Variants in MN1 observed in about 807,000 individuals in gnomAD.
MN1 encodes the protein transcriptional activator MN1.
Under a neutral mutation model 86.9 loss-of-function variants are expected in MN1, and 19 were observed. That is an observed-to-expected ratio of 0.22 (90% CI 0.15 to 0.32). The LOEUF is 0.32. MN1 is among the 10% of genes least tolerant of loss of function. The pLI is 1.00. For synonymous variants in MN1, 928 were observed against 849.6 expected, an observed-to-expected ratio of 1.09 and a Z score of -1.60; for missense variants, 1,841 against 1,862.0, an observed-to-expected ratio of 0.99 and a Z score of 0.21.
chr22:27,751,150 C>T, intron 1 of MN1, 54 bp from the exon 2 acceptor site: 1 of 1,475,574 alleles, frequency 6.8e-7, no homozygotes, highest in Non-Finnish European at 9.1e-7. Context: ...CTCTGAGGGA[C>T]ACCATAATGG....
Position 27,800,767 on chromosome 22 carries a change from T to G in MN1, c.-224A>C. On this transcript the variant is annotated 5_prime_UTR_variant, in exon 1 of 2. Transcript: ENST00000302326. ...CTGCCCGGGGAGGGCCTCTCACATC[T>G]TGCGAGGCCGCGGGGCCTCTAGGAG... 1.7e-6 allele frequency: 1 copy of G among 603,502 alleles called. No individual in the cohort carries two copies. Among genetic ancestry groups the G allele is most frequent in the Non-Finnish European group, 2.9e-6 (1 of 347,942 alleles). The allele number at this position is 603,502 out of a possible 1,614,324, so 37.4% of individuals were successfully genotyped here. A position where few individuals can be genotyped will look rare whatever the true frequency, so the allele number is the denominator to read the frequency against.
intron 1 of MN1, among the ~76,000 whole-genome samples, chr22:27,755,522 C>T (rs902785941): frequency 6.6e-6 from 1 of 152,174 alleles, no homozygotes; most frequent in Non-Finnish European, 1.5e-5. Flanking sequence ...ACTCCATGCC[C>T]AGGGTCAAGG....
chr22:27,757,845 G>A (rs1932811006), intron 1 of MN1, among the ~76,000 whole-genome samples: 2 of 152,108 alleles, frequency 1.3e-5, no homozygotes, highest in South Asian at 4.1e-4. Context: ...CTCCTTAGAA[G>A]GGCAGGGCCA....
intron 1 of MN1, among the ~76,000 whole-genome samples, chr22:27,777,961 A>C (rs891693510): frequency 4.6e-5 from 7 of 152,118 alleles, no homozygotes; most frequent in Non-Finnish European, 7.4e-5. Context: ...GCTGATGACA[A>C]AGCAGTGGGA....
rs1173203905 is a variant in MN1 at position 27,799,824 on chromosome 22, G to A, written c.720C>T (p.Pro240=). The A allele has an allele frequency of 6.3e-7, 1 of 1,597,336 alleles. No individual in the cohort carries two copies. Among genetic ancestry groups the A allele is most frequent in the Non-Finnish European group, 8.5e-7 (1 of 1,170,822 alleles). Residue 240 remains proline, a synonymous_variant, in exon 1 of 2, where the codon CCC becomes CCT. Transcript: ENST00000302326. ...SLEYNYPGEA[P]SGHFDMFSPS... is the part of the protein sequence containing the mutation. ...GCGAAAACATGTCAAAATGTCCCGA[G>A]GGCGCCTCGCCCGGGTAATTGTATT...
At chr22:27,779,014 A>C (rs1212845975) in intron 1 of MN1, among the ~76,000 whole-genome samples, 1 of 152,152 alleles carries the variant, frequency 6.6e-6, no homozygotes, top group South Asian at 2.1e-4. Context: ...ACCCCTGCAG[A>C]GATGGGGGTG....
intron 1 of MN1, among the ~76,000 whole-genome samples, chr22:27,753,499 G>A (rs1475786978): frequency 1.3e-5 from 2 of 152,168 alleles, no homozygotes. Context: ...ATCTGGGAGG[G>A]TCGGGGGTGA....
chr22:27,779,458 C>T (rs559667408), intron 1 of MN1, among the ~76,000 whole-genome samples: 189 of 152,300 alleles, frequency 1.2e-3, no homozygotes, highest in Middle Eastern at 3.4e-3. Context: ...GACCTGGTGA[C>T]GGCCATGAGG....
In MN1 at chr22:27,798,357, C is replaced by A; in HGVS notation, c.2187G>T (p.Arg729=). ...ACGTAGCAAAGTCCGGCGGCGGGGGCCGGCGCTCCGAAGCAGCGCTGGGGA... is the reference window on the plus strand; with the variant it reads ...ACGTAGCAAAGTCCGGCGGCGGGGGACGGCGCTCCGAAGCAGCGCTGGGGA... The part of the protein sequence containing the change: ...VGLPSAASER[R]PPPPDFATSA... The change falls in exon 1 of 2, where the codon CGG becomes CGT. Residue 729 remains arginine (R), a synonymous_variant. Transcript: ENST00000302326. 6.7e-7 allele frequency: 1 copy of A among 1,502,638 alleles called. No homozygotes were observed. 93.1% of individuals were successfully genotyped at this position (1,502,638 alleles called of 1,614,324 possible). A position where few individuals can be genotyped will look rare whatever the true frequency, so the allele number is the denominator to read the frequency against.
In MN1 at chr22:27,799,456, G is replaced by C. The variant is rs546998002; in HGVS notation, c.1088C>G (p.Pro363Arg). Reference protein sequence around the residue: ...PQQPPQQQPPPPPGLLVRQNS... With the variant: ...PQQPPQQQPPRPPGLLVRQNS... ...TTGTCGGACTAGAAGCCCGGGTGGC[G>C]GCGGCGGCTGCTGCTGTGGCGGCTG... The change falls in exon 1 of 2, where the codon CCG becomes CGG. Residue 363 changes from proline to arginine, a missense_variant. Pro to Arg is a moderately radical substitution (Grantham distance 103). Transcript: ENST00000302326. The C allele has an allele frequency of 1.4e-5, 20 of 1,454,020 alleles. No individual in the cohort carries two copies. Among genetic ancestry groups the C allele is most frequent in the Non-Finnish European group, 1.8e-5 (20 of 1,105,434 alleles). The allele number at this position is 1,454,020 out of a possible 1,614,324, so 90.1% of individuals were successfully genotyped here. A position where few individuals can be genotyped will look rare whatever the true frequency, so the allele number is the denominator to read the frequency against.
intron 1 of MN1, among the ~76,000 whole-genome samples, chr22:27,783,143 T>C (rs1933077006): frequency 6.6e-6 from 1 of 151,648 alleles, no homozygotes; most frequent in African/African-American, 2.4e-5. Context: ...CTTTTTTTTT[T>C]TTTTTTCTTG....
chr22:27,766,092 G>T (rs925045198), intron 1 of MN1, among the ~76,000 whole-genome samples: 2 of 152,130 alleles, frequency 1.3e-5, no homozygotes, highest in Non-Finnish European at 2.9e-5. Flanking sequence ...AGCTGAAGCT[G>T]GGCTCTGCCG....
At chr22:27,766,562 A>G (rs1323372092) in intron 1 of MN1, among the ~76,000 whole-genome samples, 1 of 152,196 alleles carries the variant, frequency 6.6e-6, no homozygotes, top group Non-Finnish European at 1.5e-5. Flanking sequence ...CCCACCTCTC[A>G]GAAGGATTTG....
intron 1 of MN1, among the ~76,000 whole-genome samples, chr22:27,764,233 G>C (rs191641129): frequency 3.3e-5 from 5 of 152,322 alleles, no homozygotes; most frequent in Non-Finnish European, 5.9e-5. Context: ...TAGAACACCT[G>C]ACTTAGAAAC....
intron 1 of MN1, among the ~76,000 whole-genome samples, chr22:27,768,855 G>GC (rs1932890617): frequency 6.6e-6 from 1 of 152,058 alleles, no homozygotes; most frequent in Non-Finnish European, 1.5e-5. Context: ...TTCATGACTA[G>GC]CAATATTTCA....
At chr22:27,751,677 T>A (rs1932765939) in intron 1 of MN1, among the ~76,000 whole-genome samples, 1 of 152,068 alleles carries the variant, frequency 6.6e-6, no homozygotes, top group South Asian at 2.1e-4. Flanking sequence ...CTAAGAAAAC[T>A]GAGACTCAGA....
At position 27,798,945 on chromosome 22, in the gene MN1, T is replaced by TGCTGC. The variant is rs1933372448; in HGVS notation, c.1598_1599insGCAGC (p.Gln535HisfsTer25). ...GCTGTTGCTGCTGCTGCTGCTGCTG[T>TGCTGC]TGCTGCTGCTGCTGCTGCTGCTGCT... is the stretch of plus-strand genomic sequence containing the variant. On this transcript the variant is annotated frameshift_variant, in exon 1 of 2. Transcript: ENST00000302326. LOFTEE classifies it high-confidence loss of function. 2.1e-5 allele frequency: 32 copies of TGCTGC among 1,539,784 alleles called. No homozygotes were observed. In the African/African-American group the frequency reaches 3.1e-4, roughly 15 times the overall value.
Position 27,798,656 on chromosome 22 carries a change from C to A in MN1, c.1888G>T (p.Ala630Ser). 1 of 1,553,166 alleles carries A rather than the reference C, an allele frequency of 6.4e-7. No individual in the cohort carries two copies. Among genetic ancestry groups the A allele is most frequent in the Non-Finnish European group, 8.6e-7 (1 of 1,158,086 alleles). Residue 630 changes from alanine (A) to serine (S), a missense_variant, in exon 1 of 2, where the codon GCG becomes TCG. By Grantham distance (99) the Ala-to-Ser change is moderately conservative (BLOSUM62 1). Transcript: ENST00000302326. Reference protein sequence around the residue: ...QQAPHLAQESAWFSGPHPPPG... With the variant: ...QQAPHLAQESSWFSGPHPPPG... ...GGCGGATGCGGACCTGAGAACCACG[C>A]GCTCTCTTGCGCCAAGTGCGGCGCC...
Position 27,797,158 on chromosome 22 carries a change from G to A in MN1, c.3386C>T (p.Thr1129Ile). The A allele has an allele frequency of 6.4e-7, 1 of 1,564,000 alleles. No homozygotes were observed. Among genetic ancestry groups the A allele is most frequent in the Non-Finnish European group, 8.6e-7 (1 of 1,157,648 alleles). ...GGGGGPGHPG[T>I]PGLEQVRTPT... is the part of the protein sequence containing the mutation. Reference sequence around the variant, plus strand: ...GGTGCGGACCTGCTCCAGGCCCGGAGTGCCCGGATGGCCCGGGCCCCCACC... The same window carrying A: ...GGTGCGGACCTGCTCCAGGCCCGGAATGCCCGGATGGCCCGGGCCCCCACC... Residue 1129 changes from threonine to isoleucine, a missense_variant, in exon 1 of 2, where the codon ACT becomes ATT. Transcript: ENST00000302326.
Sources: allele counts gnomAD v4.1 joint callset (sites outside exome capture counted in the v4.1 genomes callset), GRCh38; gene constraint gnomAD v4.1.1; transcripts MANE v1.5; gene names NCBI Gene and HGNC (gene_info 2026-07-23, HGNC 2026-07-21).